Variants in ELOA observed in about 807,000 individuals in gnomAD.
ELOA encodes the protein elongin A.
In ELOA, 15 loss-of-function variants were observed where a neutral mutation model predicts 85.2. The ratio of observed to expected loss-of-function variants is 0.18; its 90% CI spans 0.12 to 0.27. The LOEUF (loss-of-function observed/expected upper bound fraction) is 0.27, where lower values mean the gene tolerates loss of function less well. ELOA is among the 10% of genes least tolerant of loss of function. The pLI is 1.00. For missense variants in ELOA, 769 were observed against 952.7 expected (o/e 0.81, Z 2.54); for synonymous variants, 348 against 357.2 (o/e 0.97, Z 0.29).
chr1:23,750,948 A>G lies in ELOA; in HGVS notation c.343A>G (p.Thr115Ala), dbSNP rs1369644409. 2 of 1,613,906 alleles carry G rather than the reference A, an allele frequency of 1.2e-6. No individual in the cohort carries two copies. The highest frequency in any genetic ancestry group is 1.7e-5 in the Admixed American group (1 of 59,992). The change falls in exon 4 of 11, where the codon ACC (threonine) becomes GCC (alanine). Residue 115 changes from threonine (T) to alanine (A), a missense_variant. Thr to Ala is a moderately conservative substitution (Grantham distance 58). This residue lies in a region of ELOA where 440 missense variants were observed against 474.0 expected (regional missense o/e 0.93). Transcript: ENST00000613537. ...GGAGATGGAGGGGGACTACCAAGAAACCTGGAAAGCCACGGGGAGCCGATC... is the reference window on the plus strand; with the variant it reads ...GGAGATGGAGGGGGACTACCAAGAAGCCTGGAAAGCCACGGGGAGCCGATC... Reference protein sequence around the residue: ...EEEMEGDYQETWKATGSRSYS... With the variant: ...EEEMEGDYQEAWKATGSRSYS...
In ELOA at chr1:23,756,773, A is replaced by G. The variant is rs540589046; in HGVS notation, c.2085-180A>G. On this transcript the variant is annotated intron_variant, in intron 9 of 10. Transcript: ENST00000613537. ...CAGTGAAAAGTTAGTTGAGATTATC[A>G]TTTTTTCTGAAAGGATAATGGAGAC... Among the ~76,000 whole-genome samples the G allele has an allele frequency of 9.5e-4, 144 of 152,294 alleles. 1 individual carries two copies. Among genetic ancestry groups the G allele is most frequent in the African/African-American group, 3.4e-3 (140 of 41,562 alleles).
In ELOA at chr1:23,749,059, T is replaced by G; in HGVS notation, c.114T>G (p.Ile38Met). The G allele has an allele frequency of 6.2e-7, 1 of 1,613,238 alleles. No homozygotes were observed. Among genetic ancestry groups the G allele is most frequent in the Non-Finnish European group, 8.5e-7 (1 of 1,179,362 alleles). The change falls in exon 2 of 11, where the codon ATT becomes ATG. Residue 38 changes from isoleucine to methionine, a missense_variant. Coordinates refer to ENST00000613537, the MANE Select transcript of ELOA (RefSeq NM_003198.3). ...TGAAGAAACTCTCCACCCTGCCTAT[T>G]ACAGTAGACATTCTTGCGGTAAGAA... ...KYLKKLSTLPITVDILAETGV... is the reference protein window; with the variant it reads ...KYLKKLSTLPMTVDILAETGV...
rs771837730 is a variant in ELOA at position 23,751,578 on chromosome 1, C to T, written c.973C>T (p.Leu325=). ...CTCAGAGGCCGCTTCAGACAACCACCTGAAAAAGCCAAAGCACAGAGACCC... is the reference window on the plus strand; with the variant it reads ...CTCAGAGGCCGCTTCAGACAACCACTTGAAAAAGCCAAAGCACAGAGACCC... ...PPSEAASDNH[L]KKPKHRDPEK... Residue 325 remains leucine, a synonymous_variant, in exon 4 of 11, where the codon CTG becomes TTG. Transcript: ENST00000613537. The T allele has an allele frequency of 1.2e-6, 2 of 1,614,162 alleles. No individual in the cohort carries two copies. The highest frequency in any genetic ancestry group is 1.1e-5 in the South Asian group (1 of 91,082).
chr1:23,743,798 G>A (rs531514383), intron 1 of ELOA, among the ~76,000 whole-genome samples: 6 of 151,926 alleles, frequency 3.9e-5, no homozygotes, highest in African/African-American at 1.4e-4. Context: ...CCTCCCTCAC[G>A]GGCCCGGGAT....
chr1:23,749,778 A>C (rs1644760807), intron 2 of ELOA, 64 bp from the exon 3 acceptor site: 3 of 1,428,402 alleles, frequency 2.1e-6, no homozygotes, highest in Non-Finnish European at 2.9e-6. Context: ...AGAAAGCCTT[A>C]TTTCTTTAGA....
intron 7 of ELOA, 47 bp downstream of exon 7, chr1:23,754,507 C>T: frequency 6.9e-7 from 1 of 1,456,084 alleles, no homozygotes; most frequent in Non-Finnish European, 9.6e-7. Flanking sequence ...CTGGCTTGTA[C>T]CTCCAGAAAT....
At chr1:23,754,938 C>CT (rs76429686) in intron 7 of ELOA, among the ~76,000 whole-genome samples, 3,407 of 141,038 alleles carry the variant, frequency 0.024, 128 homozygotes, top group African/African-American at 0.074. Context: ...GACCTAACAC[C>CT]TTTTTTTTTT....
intron 7 of ELOA, among the ~76,000 whole-genome samples, chr1:23,754,773 G>C (rs1644787184): frequency 6.6e-6 from 1 of 152,156 alleles, no homozygotes; most frequent in Non-Finnish European, 1.5e-5. Flanking sequence ...CTGGGACCCA[G>C]GGCGGGGAAA....
At chr1:23,754,276 T>A in intron 6 of ELOA, 21 bp downstream of exon 6, 6 of 1,614,168 alleles carry the variant, frequency 3.7e-6, no homozygotes, top group Non-Finnish European at 5.1e-6. Context: ...CGCTTCTCTC[T>A]AGCTCTCAAG....
intron 1 of ELOA, among the ~76,000 whole-genome samples, chr1:23,748,488 T>C (rs749716621): frequency 8.5e-5 from 13 of 152,216 alleles, no homozygotes; most frequent in Non-Finnish European, 7.3e-5. Context: ...ATCCAAGCTC[T>C]GATTCTGGCA....
rs35430836 is a variant in ELOA at position 23,746,288 on chromosome 1, C to CAA, written c.76-2721_76-2720dup. On this transcript the variant is annotated intron_variant, in intron 1 of 10. Transcript: ENST00000613537. ...GGGCAACAAGAGCGAAACTCCGTCT[C>CAA]AAAAAAAAAAAAACAAAAAAAACAC... 2.1e-3 allele frequency among the ~76,000 whole-genome samples: 251 copies of CAA among 120,290 alleles called. 1 individual carries two copies. The highest frequency in any genetic ancestry group is 4.6e-3 in the Middle Eastern group (1 of 218). The allele number at this position is 120,290 out of a possible 152,430, so 78.9% of individuals were successfully genotyped here. A position where few individuals can be genotyped will look rare whatever the true frequency, so the allele number is the denominator to read the frequency against.
chr1:23,744,785 C>G (rs1367111772), intron 1 of ELOA, among the ~76,000 whole-genome samples: 1 of 152,184 alleles, frequency 6.6e-6, no homozygotes, highest in Admixed American at 6.5e-5. Flanking sequence ...GGAGTTGGAA[C>G]TCAGTCCTGG....
intron 10 of ELOA, among the ~76,000 whole-genome samples, chr1:23,757,655 T>C (rs1028947342): frequency 1.3e-5 from 2 of 152,156 alleles, no homozygotes; most frequent in East Asian, 3.9e-4. Context: ...CCCACCACCA[T>C]GCCCACCTAA....
chr1:23,759,335 T>C (rs942732400), intron 10 of ELOA, among the ~76,000 whole-genome samples, 177 bp from the exon 11 acceptor site: 2 of 152,240 alleles, frequency 1.3e-5, no homozygotes, highest in African/African-American at 2.4e-5. Flanking sequence ...CCTCCGAAAG[T>C]GTCTGCTCTG....
chr1:23,746,703 A>G, intron 1 of ELOA, among the ~76,000 whole-genome samples: 1 of 152,186 alleles, frequency 6.6e-6, no homozygotes, highest in East Asian at 1.9e-4. Context: ...TGACATTAAA[A>G]ATATTTTTTG....
chr1:23,750,847 A>G lies in ELOA; in HGVS notation c.242A>G (p.Asn81Ser), dbSNP rs752568593. The change falls in exon 4 of 11, where the codon AAT (asparagine) becomes AGT (serine). Residue 81 changes from asparagine to serine, a missense_variant and splice_region_variant. Transcript: ENST00000613537. ...GTCTGCTTTTTCTTTTATTTTAGAA[A>G]TGCTGAGCCTGATGAACAGGACTTT... ...QWKKLVPVER[N>S]AEPDEQDFEK... is the part of the protein sequence containing the mutation. 10 of 1,561,748 alleles carry G rather than the reference A, an allele frequency of 6.4e-6. No homozygotes were observed. The highest frequency in any genetic ancestry group is 1.7e-4 in the Middle Eastern group (1 of 5,784).
At chr1:23,747,487 A>G (rs1433770914) in intron 1 of ELOA, among the ~76,000 whole-genome samples, 1 of 152,234 alleles carries the variant, frequency 6.6e-6, no homozygotes, top group Non-Finnish European at 1.5e-5. Context: ...AGTAGCTGAC[A>G]CACAATAGAT....
intron 10 of ELOA, among the ~76,000 whole-genome samples, chr1:23,759,297 GAGA>G (rs1638259168): frequency 6.6e-6 from 1 of 152,272 alleles, no homozygotes; most frequent in African/African-American, 2.4e-5. Context: ...GGTGGTTAGA[GAGA>G]GTGGTGGTCA....
rs573908724 is a variant in ELOA, at chr1:23,761,352, A to C, written c.*1779A>C. On this transcript the variant is annotated 3_prime_UTR_variant, in exon 11 of 11. Transcript: ENST00000613537. The stretch of plus-strand genomic sequence containing the variant: ...CAGGTGCCAGATGTCTGCTGCCTAG[A>C]ATAGCTTTTTCTAGGTGTCTACCAC... The C allele has an allele frequency of 2.2e-4, 33 of 152,216 alleles. No individual in the cohort carries two copies. Among genetic ancestry groups the C allele is most frequent in the African/African-American group, 7.9e-4 (33 of 41,530 alleles). The allele number at this position is 152,216 out of a possible 1,614,324, so 9.4% of individuals were successfully genotyped here.
Sources: gnomAD v4.1 joint callset for allele counts (sites outside exome capture counted in the v4.1 genomes callset) on GRCh38, gnomAD v4.1.1 for gene constraint, gnomAD v4.1.1 regional missense constraint, MANE v1.5 for transcripts, NCBI Gene and HGNC (gene_info 2026-07-23, HGNC 2026-07-21) for gene names.